GDPD4: variants seen among roughly 807,000 people sequenced by gnomAD.
GDPD4 encodes glycerophosphodiester phosphodiesterase 6.
Under a neutral mutation model 67.8 loss-of-function variants are expected in GDPD4, and 60 were observed. The ratio of observed to expected loss-of-function variants is 0.88; its 90% CI spans 0.72 to 1.10. The LOEUF (loss-of-function observed/expected upper bound fraction) is 1.10. GDPD4 is among the 50% of genes least tolerant of loss of function. GDPD4 has a pLI of 0.00. For missense variants in GDPD4, 623 were observed against 613.9 expected (o/e 1.01, Z -0.16); for synonymous variants, 212 against 210.9 (o/e 1.00, Z -0.04).
chr11:77,265,430 T>A (rs1959173840), intron 10 of GDPD4, among the ~76,000 whole-genome samples: 1 of 152,160 alleles, frequency 6.6e-6, no homozygotes, highest in African/African-American at 2.4e-5. Context: ...AATCACTTTA[T>A]CTATATCTTT....
chr11:77,252,722 G>A (rs964605138), intron 11 of GDPD4, among the ~76,000 whole-genome samples: 1 of 152,166 alleles, frequency 6.6e-6, no homozygotes. Context: ...AGGGTGTGGT[G>A]ACTTTGTTCC....
At chr11:77,223,817 GCAGGGGCCTCCTTGAGCTC>G (rs1352735948) in intron 16 of GDPD4, among the ~76,000 whole-genome samples, 5 of 152,166 alleles carry the variant, frequency 3.3e-5, no homozygotes, top group Admixed American at 3.3e-4. Flanking sequence ...GTCTACAGAG[GCAGGGGCCTCCTTGAGCTC>G]CGGTGGGCTC....
At chr11:77,255,091 C>G (rs915726230) in intron 11 of GDPD4, among the ~76,000 whole-genome samples, 1 of 152,068 alleles carries the variant, frequency 6.6e-6, no homozygotes, top group African/African-American at 2.4e-5. Flanking sequence ...CTTCAGTAGC[C>G]ATTGAAGTAG....
Position 77,287,355 on chromosome 11 carries a change from G to A in GDPD4, c.-188C>T, listed in dbSNP as rs1483948711. 1 of 152,098 alleles carries A rather than the reference G, an allele frequency of 6.6e-6. No homozygotes were observed. Among genetic ancestry groups the A allele is most frequent in the African/African-American group, 2.4e-5 (1 of 41,414 alleles). 9.4% of individuals were successfully genotyped at this position (152,098 alleles called of 1,614,324 possible). On this transcript the variant is annotated 5_prime_UTR_variant, in exon 2 of 17. Transcript: ENST00000315938. Reference sequence around the variant, plus strand: ...GGAATCCATGGATTAAGCTTTTTTGGTTTTTCTGTCTTATTCCTCTTGTGC... The same window carrying A: ...GGAATCCATGGATTAAGCTTTTTTGATTTTTCTGTCTTATTCCTCTTGTGC...
At chr11:77,218,991 G>C (rs1031046129) in intron 16 of GDPD4, among the ~76,000 whole-genome samples, 2 of 152,152 alleles carry the variant, frequency 1.3e-5, no homozygotes, top group African/African-American at 2.4e-5. Flanking sequence ...GGTTGAACTA[G>C]TTTACACTCC....
In GDPD4 at chr11:77,255,610, C is replaced by T. The variant is rs1958988561; in HGVS notation, c.864+2776G>A. 2.0e-5 allele frequency among the ~76,000 whole-genome samples: 3 copies of T among 152,026 alleles called. No homozygotes were observed. In the South Asian group the frequency reaches 6.2e-4, roughly 32 times the overall value. On this transcript the variant is annotated intron_variant, in intron 11 of 16. Transcript: ENST00000315938. ...GTGCGGTGGCTCACACTTGTAATCC[C>T]AGTACTTTGGGAGGCCAAGGTGGGC...
At chr11:77,296,267 A>G in intron 1 of GDPD4, among the ~76,000 whole-genome samples, 1 of 144,252 alleles carries the variant, frequency 6.9e-6, no homozygotes, top group East Asian at 2.0e-4. Context: ...AAAAAAAAAA[A>G]AAGAAAAGAA....
chr11:77,280,268 CAT>C (rs1220139728), intron 3 of GDPD4, among the ~76,000 whole-genome samples: 1 of 151,664 alleles, frequency 6.6e-6, no homozygotes, highest in Non-Finnish European at 1.5e-5. Context: ...CCCAAAAAAA[CAT>C]AATTAATAGA....
At chr11:77,298,520 T>A (rs1221253212) in intron 1 of GDPD4, among the ~76,000 whole-genome samples, 1 of 152,132 alleles carries the variant, frequency 6.6e-6, no homozygotes, top group Non-Finnish European at 1.5e-5. Context: ...TTAAAAACAT[T>A]TTCTGGTTGA....
intron 1 of GDPD4, 86 bp from the exon 2 acceptor site, chr11:77,287,506 A>G (rs1267041655): frequency 6.6e-6 from 1 of 152,194 alleles, no homozygotes; most frequent in Non-Finnish European, 1.5e-5. Flanking sequence ...ATTTTATCAA[A>G]GACAGATGGA....
intron 1 of GDPD4, among the ~76,000 whole-genome samples, chr11:77,292,011 C>T (rs1257836764): frequency 1.3e-5 from 2 of 151,918 alleles, no homozygotes; most frequent in Non-Finnish European, 2.9e-5. Context: ...GCCTGGGCAA[C>T]AAGAGTGAAA....
chr11:77,269,923 T>C lies in GDPD4; in HGVS notation c.438A>G (p.Lys146=), dbSNP rs139574450. Residue 146 remains lysine (K), a synonymous_variant, in exon 8 of 17, where the codon AAA becomes AAG. Transcript: ENST00000315938. ...MRRYRMTHSE[K]KRLKQCNVIT... Reference sequence around the variant, plus strand: ...TTACATTACATTGCTTGAGTCTTTTTTTCTCAGAATGTGTCATCCTGTATC... The same window carrying C: ...TTACATTACATTGCTTGAGTCTTTTCTTCTCAGAATGTGTCATCCTGTATC... The C allele has an allele frequency of 1.9e-6, 3 of 1,587,882 alleles. No individual in the cohort carries two copies. The African/African-American group carries it at 4.0e-5, about 21-fold the overall frequency.
chr11:77,262,269 A>T (rs1959134116), intron 10 of GDPD4, among the ~76,000 whole-genome samples: 1 of 152,176 alleles, frequency 6.6e-6, no homozygotes, highest in Non-Finnish European at 1.5e-5. Flanking sequence ...TCATTCCTCA[A>T]ATCCTAATTA....
At chr11:77,265,792 T>C (rs1959175408) in intron 10 of GDPD4, among the ~76,000 whole-genome samples, 1 of 152,180 alleles carries the variant, frequency 6.6e-6, no homozygotes, top group South Asian at 2.1e-4. Flanking sequence ...AAGAGTTTTG[T>C]GTTACCTTTT....
intron 1 of GDPD4, among the ~76,000 whole-genome samples, chr11:77,298,254 G>A (rs1023927111): frequency 3.3e-5 from 5 of 152,218 alleles, no homozygotes; most frequent in Admixed American, 6.5e-5. Flanking sequence ...ACTCACGCTT[G>A]TAATCCCAGC....
At chr11:77,253,797 C>T (rs1433605871) in intron 11 of GDPD4, among the ~76,000 whole-genome samples, 1 of 152,084 alleles carries the variant, frequency 6.6e-6, no homozygotes, top group Non-Finnish European at 1.5e-5. Context: ...AGTTTCAACT[C>T]AGGACCCCAG....
intron 11 of GDPD4, among the ~76,000 whole-genome samples, chr11:77,253,114 T>C (rs1055182919): frequency 6.6e-6 from 1 of 152,192 alleles, no homozygotes; most frequent in African/African-American, 2.4e-5. Context: ...GCCCACACCA[T>C]CAGACTCCAA....
chr11:77,288,673 G>C (rs1350975185), intron 1 of GDPD4, among the ~76,000 whole-genome samples: 2 of 152,026 alleles, frequency 1.3e-5, no homozygotes, highest in Non-Finnish European at 2.9e-5. Flanking sequence ...CCCTATGAAA[G>C]CCAACCCAAA....
chr11:77,236,418 G>A lies in GDPD4; in HGVS notation c.1242-3246C>T, dbSNP rs554575308. On this transcript the variant is annotated intron_variant, in intron 13 of 16. Coordinates refer to ENST00000315938, the MANE Select transcript of GDPD4 (RefSeq NM_182833.3). ...CTCATTGGTGAACTAAATATTACTGGACCTAACATTCCAATTAAAAGTCCG... is the reference window on the plus strand; with the variant it reads ...CTCATTGGTGAACTAAATATTACTGAACCTAACATTCCAATTAAAAGTCCG... 5.9e-5 allele frequency among the ~76,000 whole-genome samples: 9 copies of A among 151,754 alleles called. No individual in the cohort carries two copies. The East Asian group carries it at 1.5e-3, about 26-fold the overall frequency.
Sources: gnomAD v4.1 joint callset for allele counts (sites outside exome capture counted in the v4.1 genomes callset) on GRCh38, gnomAD v4.1.1 for gene constraint, MANE v1.5 for transcripts, NCBI Gene and HGNC (gene_info 2026-07-23, HGNC 2026-07-21) for gene names.